MACF1: variants seen among roughly 807,000 people sequenced by gnomAD.
MACF1 encodes the protein microtubule-actin cross-linking factor 1.
A neutral mutation model predicts 854.8 loss-of-function variants in MACF1; 193 were observed. That is an observed-to-expected ratio of 0.23 (90% CI 0.20 to 0.25). MACF1 has a LOEUF of 0.25. MACF1 is among the 10% of genes least tolerant of loss of function. The pLI, the probability that MACF1 is intolerant of heterozygous loss-of-function variation, is 1.00. For synonymous variants in MACF1, 3,185 were observed against 3,226.7 expected (o/e 0.99, Z 0.44); for missense variants, 7,722 against 8,929.1 (o/e 0.86, Z 5.45).
intron 66 of MACF1, 135 bp from the exon 67 acceptor site, chr1:39,432,400 C>T (rs1643890111): frequency 3.1e-6 from 2 of 650,056 alleles, no homozygotes; most frequent in Non-Finnish European, 5.0e-6. Flanking sequence ...TGAAATTCTT[C>T]CCAGTTTTGA....
chr1:39,422,317 G>C, intron 58 of MACF1, 57 bp from the exon 59 acceptor site: 1 of 1,397,542 alleles, frequency 7.2e-7, no homozygotes, highest in Non-Finnish European at 1.0e-6. Context: ...GTCTCTGCGT[G>C]GTATAGAGAG....
chr1:39,329,355 G>A (rs530827224), intron 36 of MACF1, among the ~76,000 whole-genome samples: 5 of 152,234 alleles, frequency 3.3e-5, no homozygotes, highest in East Asian at 1.9e-4. Flanking sequence ...TCCTCAGTGC[G>A]TGTTTCTAAC....
intron 2 of MACF1, among the ~76,000 whole-genome samples, chr1:39,145,138 C>T (rs1332914299): frequency 6.6e-6 from 1 of 152,144 alleles, no homozygotes; most frequent in African/African-American, 2.4e-5. Context: ...GACTCTATTA[C>T]AGATTTATGA....
At position 39,310,930 on chromosome 1, in the gene MACF1, A is replaced by C; in HGVS notation, c.3200A>C (p.Gln1067Pro). 2 of 1,614,232 alleles carry C rather than the reference A, an allele frequency of 1.2e-6. No homozygotes were observed. Among genetic ancestry groups the C allele is most frequent in the South Asian group, 2.2e-5 (2 of 91,082 alleles). Residue 1067 changes from glutamine (Q) to proline (P), a missense_variant, in exon 26 of 101, where the codon CAG becomes CCG. Coordinates refer to ENST00000564288, the MANE Select transcript of MACF1 (RefSeq NM_001394062.1). ...EYEQRVVKRI[Q>P]SLASSRTDRD... The stretch of plus-strand genomic sequence containing the variant: ...GAACAGAGGGTGGTCAAACGAATTC[A>C]GTCTCTAGCCAGCTCTAGGACTGAC...
chr1:39,163,340 CAAAAAAA>C (rs11371076), intron 2 of MACF1, among the ~76,000 whole-genome samples: 1 of 80,342 alleles, frequency 1.2e-5, no homozygotes. Flanking sequence ...AAGACTGTCT[CAAAAAAA>C]AAAAAAAAAA....
In MACF1 at chr1:39,442,301, A is replaced by G. The variant is rs1388485770; in HGVS notation, c.18929A>G (p.Glu6310Gly). ...AAACACCTCTGGGAGAACCTGGGTG[A>G]GAAAATTGCCCACCGACAGGTAAGG... is the stretch of plus-strand genomic sequence containing the variant. ...ELKHLWENLGEKIAHRQHKLE... is the reference protein window; with the variant it reads ...ELKHLWENLGGKIAHRQHKLE... The change falls in exon 76 of 101, where the codon GAG (glutamate) becomes GGG (glycine). Residue 6310 changes from glutamate to glycine, a missense_variant. Physicochemically the swap from Glu to Gly is moderately conservative, Grantham distance 98 (BLOSUM62 -2). Around this residue, in one of 15 missense-constraint regions of MACF1, gnomAD observed 2,807 missense variants for 3,235.8 expected, o/e 0.87. Transcript: ENST00000564288. 1 of 1,597,790 alleles carries G rather than the reference A, an allele frequency of 6.3e-7. No individual in the cohort carries two copies.
intron 58 of MACF1, among the ~76,000 whole-genome samples, chr1:39,408,617 G>A (rs1239820022): frequency 2.6e-5 from 4 of 152,026 alleles, no homozygotes; most frequent in Non-Finnish European, 5.9e-5. Context: ...TGGGCTCGGA[G>A]CCGGGCCGGT....
chr1:39,317,460 A>C (rs1646434326), intron 29 of MACF1, 53 bp downstream of exon 29: 7 of 1,556,154 alleles, frequency 4.5e-6, no homozygotes, highest in Non-Finnish European at 6.1e-6. Context: ...ACTAGGTCTT[A>C]AACAAAAACA....
rs756237436 is a variant in MACF1 at position 39,353,089 on chromosome 1, G to C, written c.11282G>C (p.Gly3761Ala). 1 of 1,613,956 alleles carries C rather than the reference G, an allele frequency of 6.2e-7. No individual in the cohort carries two copies. Among genetic ancestry groups the C allele is most frequent in the Non-Finnish European group, 8.5e-7 (1 of 1,180,018 alleles). The change falls in exon 44 of 101, where the codon GGT (glycine) becomes GCT (alanine). Residue 3761 changes from glycine (G) to alanine (A), a missense_variant. Transcript: ENST00000564288. The part of the protein sequence containing the change: ...LDWVTSVGSS[G>A]GQLLTNLPGM... ...TGGGTAACTTCAGTAGGATCATCTGGTGGACAGCTGCTGACCAACCTTCCA... is the reference window on the plus strand; with the variant it reads ...TGGGTAACTTCAGTAGGATCATCTGCTGGACAGCTGCTGACCAACCTTCCA...
At chr1:39,443,209 A>G (rs1644154870) in intron 78 of MACF1, among the ~76,000 whole-genome samples, 1 of 152,210 alleles carries the variant, frequency 6.6e-6, no homozygotes, top group Admixed American at 6.5e-5. Context: ...TACCTTAATC[A>G]ATAGTCAATT....
In MACF1 at chr1:39,326,475, G is replaced by A. The variant is rs149383811; in HGVS notation, c.4479-743G>A. On this transcript the variant is annotated intron_variant, in intron 35 of 100. Coordinates refer to ENST00000564288, the MANE Select transcript of MACF1 (RefSeq NM_001394062.1). Reference sequence around the variant, plus strand: ...GCGGGCAAATCACCTGAGGTCAGGAGTTCGAGACCAGCCTGGCCAGCATGG... The same window carrying A: ...GCGGGCAAATCACCTGAGGTCAGGAATTCGAGACCAGCCTGGCCAGCATGG... Among the ~76,000 whole-genome samples the A allele has an allele frequency of 5.8e-3, 889 of 152,270 alleles. 7 individuals carry two copies. The highest frequency in any genetic ancestry group is 0.017 in the Middle Eastern group (5 of 294).
intron 2 of MACF1, among the ~76,000 whole-genome samples, chr1:39,233,030 T>TGTG (rs1381315089): frequency 1.2e-5 from 1 of 85,568 alleles, no homozygotes; most frequent in African/African-American, 3.4e-5. Flanking sequence ...TTGTTGTTGT[T>TGTG]GTGTTTTGTT....
At chr1:39,157,335 T>A (rs1643712292) in intron 2 of MACF1, among the ~76,000 whole-genome samples, 1 of 152,202 alleles carries the variant, frequency 6.6e-6, no homozygotes, top group African/African-American at 2.4e-5. Context: ...GCATACTCCC[T>A]TTTCTCTCTG....
At chr1:39,300,809 C>T (rs551812070) in intron 22 of MACF1, among the ~76,000 whole-genome samples, 14 of 152,184 alleles carry the variant, frequency 9.2e-5, no homozygotes, top group Non-Finnish European at 1.3e-4. Context: ...CTTTAGGAGG[C>T]TGAGGCACAT....
chr1:39,161,104 A>G (rs1215967072), intron 2 of MACF1, among the ~76,000 whole-genome samples: 1 of 151,998 alleles, frequency 6.6e-6, no homozygotes, highest in African/African-American at 2.4e-5. Flanking sequence ...GGGGTGCAAT[A>G]TTTTCCACTG....
rs748537797 is a variant in MACF1, at chr1:39,424,054, A to G, written c.16176A>G (p.Arg5392=). Residue 5392 remains arginine (R), a synonymous_variant, in exon 61 of 101, where the codon CGA becomes CGG. Transcript: ENST00000564288. ...QKLLQRLLDD[R]KATVDMLQAE... is the part of the protein sequence containing the mutation. ...TGCTCCAGCGGCTCCTAGATGATCG[A>G]AAGGCCACAGTAGACATGCTTCAAG... The G allele has an allele frequency of 1.9e-6, 3 of 1,611,638 alleles. No individual in the cohort carries two copies. Among genetic ancestry groups the G allele is most frequent in the African/African-American group, 1.3e-5 (1 of 74,220 alleles).
chr1:39,207,003 T>G (rs1461776619), intron 1 of MACF1: 3 of 151,636 alleles, frequency 2.0e-5, no homozygotes, highest in African/African-American at 7.3e-5. Flanking sequence ...TAATTGGAGT[T>G]ACATACAGTA....
intron 15 of MACF1, among the ~76,000 whole-genome samples, chr1:39,289,214 T>A (rs1645716192): frequency 6.6e-6 from 1 of 152,232 alleles, no homozygotes; most frequent in Non-Finnish European, 1.5e-5. Flanking sequence ...AATGCAGATC[T>A]CTTTGATACA....
At chr1:39,205,556 G>A (rs1439857194) in intron 1 of MACF1, among the ~76,000 whole-genome samples, 2 of 152,168 alleles carry the variant, frequency 1.3e-5, no homozygotes, top group African/African-American at 2.4e-5. Flanking sequence ...GGTTGGAGAA[G>A]TTTCTGTTAA....
Sources: allele counts gnomAD v4.1 joint callset (sites outside exome capture counted in the v4.1 genomes callset), GRCh38; gene constraint gnomAD v4.1.1; regional missense constraint gnomAD v4.1.1; transcripts MANE v1.5; gene names NCBI Gene and HGNC (gene_info 2026-07-23, HGNC 2026-07-21).